Variants in TRIM66 observed in about 807,000 individuals in gnomAD.
TRIM66 encodes tripartite motif-containing protein 66.
In TRIM66, 99 loss-of-function variants were observed where a neutral mutation model predicts 148.2. The ratio of observed to expected loss-of-function variants is 0.67; its 90% CI spans 0.57 to 0.79. The LOEUF is 0.79. TRIM66 is among the 30% of genes least tolerant of loss of function. The probability of loss-of-function intolerance (pLI) is 0.00; values close to 1 mark genes in which losing one functional copy is unlikely to be tolerated. For synonymous variants in TRIM66, 616 were observed against 635.9 expected (o/e 0.97, Z 0.47); for missense variants, 1,666 against 1,697.9 (o/e 0.98, Z 0.33).
intron 8 of TRIM66, 89 bp downstream of exon 8, chr11:8,649,651 A>T: frequency 6.8e-7 from 1 of 1,475,944 alleles, no homozygotes; most frequent in Non-Finnish European, 9.1e-7. Context: ...CCAGCAAGAA[A>T]ACAAGATCGG....
chr11:8,640,962 G>A lies in TRIM66; in HGVS notation c.1413C>T (p.Ser471=). Residue 471 remains serine (S), a synonymous_variant, in exon 14 of 25, where the codon TCC becomes TCT. Transcript: ENST00000646038. ...CSSSVCCSHC[S]PVSPSLKGQV... The stretch of plus-strand genomic sequence containing the variant: ...GGCCTTTGAGGGAAGGCGAGACTGG[G>A]GAGCAGTGGGAGCAGCACACAGATG... 1.3e-6 allele frequency: 2 copies of A among 1,551,328 alleles called. No individual in the cohort carries two copies. The highest frequency in any genetic ancestry group is 3.9e-5 in the Admixed American group (2 of 51,006).
chr11:8,673,283 G>A (rs10128597), intron 4 of TRIM66, among the ~76,000 whole-genome samples: 42,021 of 151,898 alleles, frequency 0.28, 6,488 homozygotes, highest in East Asian at 0.6. Context: ...ATATTTTCAT[G>A]AGTTCTGTCC....
intron 6 of TRIM66, among the ~76,000 whole-genome samples, chr11:8,666,963 C>G (rs1184238755): frequency 4.6e-5 from 7 of 152,082 alleles, no homozygotes; most frequent in Admixed American, 3.9e-4. Flanking sequence ...ACCACTGGTA[C>G]CTGCCAACAC....
chr11:8,620,117 T>C lies in TRIM66; in HGVS notation c.3680A>G (p.Glu1227Gly). The C allele has an allele frequency of 6.4e-7, 1 of 1,551,708 alleles. No homozygotes were observed. Among genetic ancestry groups the C allele is most frequent in the Admixed American group, 2.0e-5 (1 of 50,996 alleles). The change falls in exon 22 of 25, where the codon GAG becomes GGG. Residue 1227 changes from glutamate to glycine, a missense_variant. Coordinates refer to ENST00000646038, the MANE Select transcript of TRIM66 (RefSeq NM_001388022.1). ...GCAGCACAAGGACAATACCAGCTTCTCACACTTCTGCAAAATCAGAATTGG... is the reference window on the plus strand; with the variant it reads ...GCAGCACAAGGACAATACCAGCTTCCCACACTTCTGCAAAATCAGAATTGG... ...GLSMYDQKKC[E>G]KLVLSLCCNN...
At chr11:8,643,190 C>T in intron 12 of TRIM66, 64 bp from the exon 13 acceptor site, 2 of 1,393,722 alleles carry the variant, frequency 1.4e-6, no homozygotes, top group Non-Finnish European at 2.0e-6. Flanking sequence ...CTCCCCTTCC[C>T]TTACTCTTTG....
chr11:8,621,456 A>G (rs929470713), intron 19 of TRIM66, 135 bp from the exon 20 acceptor site: 2 of 1,340,070 alleles, frequency 1.5e-6, no homozygotes, highest in Non-Finnish European at 2.0e-6. Flanking sequence ...AGCAAGCCCC[A>G]TGAATGCTGG....
rs941281459 is a variant in TRIM66, at chr11:8,614,945, T to C, written c.*2999A>G. 1 of 152,314 alleles carries C rather than the reference T, an allele frequency of 6.6e-6. No individual in the cohort carries two copies. Among genetic ancestry groups the C allele is most frequent in the African/African-American group, 2.4e-5 (1 of 41,456 alleles). 9.4% of individuals were successfully genotyped at this position (152,314 alleles called of 1,614,324 possible). A position where few individuals can be genotyped will look rare whatever the true frequency, so the allele number is the denominator to read the frequency against. Reference sequence around the variant, plus strand: ...TCATCCTGAACCAATTTTTTTTTTTTTGAGACGGAGTCTCGTTCTGTTGCC... The same window carrying C: ...TCATCCTGAACCAATTTTTTTTTTTCTGAGACGGAGTCTCGTTCTGTTGCC... On this transcript the variant is annotated 3_prime_UTR_variant, in exon 25 of 25. Transcript: ENST00000646038.
upstream of TRIM66, chr11:8,682,876 C>A (rs912853214): frequency 2.6e-6 from 4 of 1,563,552 alleles, no homozygotes; most frequent in African/African-American, 5.5e-5. Context: ...AGCTGTATTC[C>A]CATTGCCCCT....
intron 21 of TRIM66, 147 bp from the exon 22 acceptor site, chr11:8,620,271 G>A (rs987301637): frequency 7.5e-7 from 1 of 1,337,626 alleles, no homozygotes; most frequent in Non-Finnish European, 1.0e-6. Flanking sequence ...CCAAGCCAGA[G>A]GAAAACTGCT....
chr11:8,616,484 T>C lies in TRIM66; in HGVS notation c.*1460A>G, dbSNP rs943879209. The stretch of plus-strand genomic sequence containing the variant: ...CCTGGCCACTGACATGTCAGGTTCA[T>C]AGCTCCCCCAACAATATGAGCAATG... On this transcript the variant is annotated 3_prime_UTR_variant, in exon 25 of 25. Coordinates refer to ENST00000646038, the MANE Select transcript of TRIM66 (RefSeq NM_001388022.1). The C allele has an allele frequency of 5.3e-5, 8 of 152,198 alleles. No homozygotes were observed. Among genetic ancestry groups the C allele is most frequent in the African/African-American group, 1.9e-4 (8 of 41,424 alleles). The allele number at this position is 152,198 out of a possible 1,614,324, so 9.4% of individuals were successfully genotyped here.
intron 3 of TRIM66, among the ~76,000 whole-genome samples, chr11:8,675,863 C>G (rs1401062262): frequency 6.6e-6 from 1 of 152,098 alleles, no homozygotes; most frequent in Non-Finnish European, 1.5e-5. Flanking sequence ...CTCAGCCTCT[C>G]AAGTAGCTGG....
chr11:8,674,229 GT>G lies in TRIM66; in HGVS notation c.-112+576del, dbSNP rs2039075503. On this transcript the variant is annotated intron_variant, in intron 4 of 24. Coordinates refer to ENST00000646038, the MANE Select transcript of TRIM66 (RefSeq NM_001388022.1). ...ACTATTGCTATTTACCACACTAGAAGTTAAAGCTGAGAAAATCTATTGCTAT... is the reference window on the plus strand; with the variant it reads ...ACTATTGCTATTTACCACACTAGAAGTAAAGCTGAGAAAATCTATTGCTAT... Among the ~76,000 whole-genome samples, 3 of 152,250 alleles carry G rather than the reference GT, an allele frequency of 2.0e-5. No individual in the cohort carries two copies. In the South Asian group the frequency reaches 6.2e-4, roughly 32 times the overall value.
intron 9 of TRIM66, 108 bp from the exon 10 acceptor site, chr11:8,648,194 C>CTGT (rs751449059): frequency 3.4e-4 from 408 of 1,188,562 alleles, no homozygotes; most frequent in Non-Finnish European, 4.4e-4. Flanking sequence ...CCCATGGAAG[C>CTGT]TGTGATGACT....
chr11:8,650,563 GCTGAAGCTAAGGACACC>G (rs2037273785), intron 7 of TRIM66, among the ~76,000 whole-genome samples: 1 of 152,132 alleles, frequency 6.6e-6, no homozygotes, highest in African/African-American at 2.4e-5. Flanking sequence ...CAAGTCCTGT[GCTGAAGCTAAGGACACC>G]CAGATGCGTA....
intron 8 of TRIM66, among the ~76,000 whole-genome samples, chr11:8,649,072 C>G (rs1466604562): frequency 2.0e-5 from 3 of 152,254 alleles, no homozygotes; most frequent in Non-Finnish European, 2.9e-5. Context: ...GGCGCAGTGG[C>G]TCACGCCTGT....
chr11:8,665,309 G>A (rs2038519950), intron 6 of TRIM66, among the ~76,000 whole-genome samples: 1 of 152,196 alleles, frequency 6.6e-6, no homozygotes, highest in Non-Finnish European at 1.5e-5. Flanking sequence ...ACAGGTGACA[G>A]CTCTGCCTTT....
At chr11:8,623,979 G>A (rs1367340171) in intron 17 of TRIM66, among the ~76,000 whole-genome samples, 1 of 152,218 alleles carries the variant, frequency 6.6e-6, no homozygotes, top group African/African-American at 2.4e-5. Context: ...CACAGGGAGA[G>A]AGAACTGGTT....
intron 15 of TRIM66, among the ~76,000 whole-genome samples, chr11:8,625,517 A>C (rs574812703): frequency 1.3e-4 from 19 of 140,756 alleles, no homozygotes; most frequent in African/African-American, 4.1e-4. Context: ...GAGAAGGAGA[A>C]CTTATTGCCT....
intron 1 of TRIM66, among the ~76,000 whole-genome samples, chr11:8,680,475 C>T (rs1386854529): frequency 2.6e-5 from 4 of 151,966 alleles, no homozygotes; most frequent in Admixed American, 1.3e-4. Context: ...AAGGCTTAAA[C>T]AGAGGAAGCA....
Sources: allele counts gnomAD v4.1 joint callset (sites outside exome capture counted in the v4.1 genomes callset), GRCh38; gene constraint gnomAD v4.1.1; transcripts MANE v1.5; gene names NCBI Gene and HGNC (gene_info 2026-07-23, HGNC 2026-07-21).